The following SENP8 variants were observed in gnomAD, a reference collection of about 807,000 sequenced individuals.
SENP8 encodes the protein sentrin-specific protease 8.
SENP8 carries 10 observed loss-of-function variants against 14.4 expected under a neutral mutation model. The ratio of observed to expected loss-of-function variants is 0.69; its 90% CI spans 0.43 to 1.18. SENP8 has a LOEUF of 1.18. Ranked by LOEUF, SENP8 falls within the 50% of genes most tolerant of loss-of-function variation. SENP8 has a pLI of 0.00. For missense variants in SENP8, 202 were observed against 249.4 expected, an observed-to-expected ratio of 0.81 and a Z score of 1.28; for synonymous variants, 94 against 95.5, an observed-to-expected ratio of 0.98 and a Z score of 0.09.
intron 1 of SENP8, among the ~76,000 whole-genome samples, chr15:72,130,144 C>T (rs1425287432): frequency 2.0e-5 from 3 of 152,154 alleles, no homozygotes; most frequent in Admixed American, 6.5e-5. Flanking sequence ...GAGCTGAGAT[C>T]GCGCCATTGC....
Position 72,139,949 on chromosome 15 carries a change from T to C in SENP8, c.326T>C (p.Leu109Pro). 6.2e-7 allele frequency: 1 copy of C among 1,614,194 alleles called. No homozygotes were observed. The highest frequency in any genetic ancestry group is 8.5e-7 in the Non-Finnish European group (1 of 1,180,040). ...ACCCACTGGAGTTTATTGGTCTACC[T>C]CCAAGATAAAAATAGCTTTTTTCAT... ...GGTHWSLLVY[L>P]QDKNSFFHYD... is the part of the protein sequence containing the mutation. Residue 109 changes from leucine to proline, a missense_variant, in exon 2 of 2, where the codon CTC becomes CCC. Leu to Pro is a moderately conservative substitution (Grantham distance 98). Transcript: ENST00000340912.
Position 72,141,460 on chromosome 15 carries a change from A to G in SENP8, c.*1198A>G, listed in dbSNP as rs1296058275. 6.6e-6 allele frequency: 1 copy of G among 152,184 alleles called. No homozygotes were observed. Among genetic ancestry groups the G allele is most frequent in the Non-Finnish European group, 1.5e-5 (1 of 68,034 alleles). The allele number at this position is 152,184 out of a possible 1,614,324, so 9.4% of individuals were successfully genotyped here. On this transcript the variant is annotated 3_prime_UTR_variant, in exon 2 of 2. Coordinates refer to ENST00000340912, the MANE Select transcript of SENP8 (RefSeq NM_145204.4). Reference sequence around the variant, plus strand: ...GGTACACAAATTAATTCTATTCCTAATGAGAATTAGATTGCAAGGCCTATG... The same window carrying G: ...GGTACACAAATTAATTCTATTCCTAGTGAGAATTAGATTGCAAGGCCTATG...
chr15:72,138,359 T>TC (rs1468739087), intron 1 of SENP8, among the ~76,000 whole-genome samples: 3 of 151,164 alleles, frequency 2.0e-5, no homozygotes, highest in Non-Finnish European at 3.0e-5. Flanking sequence ...CTTTTTTTTT[T>TC]TTTTTTTTGA....
chr15:72,119,477 G>C (rs1342444223), intron 1 of SENP8, among the ~76,000 whole-genome samples: 3 of 152,138 alleles, frequency 2.0e-5, no homozygotes, highest in African/African-American at 7.2e-5. Context: ...AGCCGGGCGC[G>C]GTGGCTCACG....
chr15:72,130,947 TAGAAA>T (rs1370337321), intron 1 of SENP8, among the ~76,000 whole-genome samples: 9 of 152,136 alleles, frequency 5.9e-5, no homozygotes, highest in Non-Finnish European at 1.2e-4. Context: ...AGTGGAAACT[TAGAAA>T]AGAGCTAGTG....
intron 1 of SENP8, among the ~76,000 whole-genome samples, chr15:72,138,737 C>T (rs1411515781): frequency 1.3e-5 from 2 of 150,566 alleles, no homozygotes; most frequent in African/African-American, 2.4e-5. Context: ...CTGAGGCGGG[C>T]GGATCACAAG....
upstream of SENP8, among the ~76,000 whole-genome samples, chr15:72,116,437 T>C (rs1219287483): frequency 6.6e-6 from 1 of 152,176 alleles, no homozygotes; most frequent in Non-Finnish European, 1.5e-5. Context: ...TATTCAACAT[T>C]TTACTGCTAT....
chr15:72,138,759 G>A (rs1424778867), intron 1 of SENP8, among the ~76,000 whole-genome samples: 1 of 150,844 alleles, frequency 6.6e-6, no homozygotes, highest in Non-Finnish European at 1.5e-5. Flanking sequence ...TCAGGAATTC[G>A]AGACCAGCCT....
At chr15:72,133,590 T>C (rs940195229) in intron 1 of SENP8, among the ~76,000 whole-genome samples, 6 of 152,234 alleles carry the variant, frequency 3.9e-5, no homozygotes, top group Non-Finnish European at 7.3e-5. Flanking sequence ...TTATTCTCTC[T>C]TGTGAATTCC....
chr15:72,120,503 T>G (rs988003779), intron 1 of SENP8, among the ~76,000 whole-genome samples: 3 of 152,188 alleles, frequency 2.0e-5, no homozygotes, highest in Non-Finnish European at 4.4e-5. Context: ...GAGTTTAGAT[T>G]ATATTACTAG....
chr15:72,118,106 C>A, upstream of SENP8: 1 of 389,896 alleles, frequency 2.6e-6, no homozygotes, highest in Admixed American at 4.5e-5. Context: ...GCACGCGGCC[C>A]CGCCCCGCGC....
intron 1 of SENP8, among the ~76,000 whole-genome samples, chr15:72,128,537 T>A (rs946446985): frequency 3.9e-5 from 6 of 152,236 alleles, no homozygotes; most frequent in African/African-American, 1.2e-4. Context: ...GATTCTCATA[T>A]TTTATTTTTA....
At chr15:72,121,622 A>G (rs746499584) in intron 1 of SENP8, among the ~76,000 whole-genome samples, 1 of 151,670 alleles carries the variant, frequency 6.6e-6, no homozygotes, top group African/African-American at 2.4e-5. Context: ...GGTCCCATCT[A>G]CACGGGAGAC....
chr15:72,125,849 AGT>A (rs1054499887), intron 1 of SENP8, among the ~76,000 whole-genome samples: 5 of 151,206 alleles, frequency 3.3e-5, no homozygotes, highest in African/African-American at 1.2e-4. Flanking sequence ...TTTGAGATGG[AGT>A]CTCACTCTGT....
At position 72,139,749 on chromosome 15, in the gene SENP8, T is replaced by G. The variant is rs1303220725; in HGVS notation, c.126T>G (p.Ser42Arg). The change falls in exon 2 of 2, where the codon AGT (serine) becomes AGG (arginine). Residue 42 changes from serine (S) to arginine (R), a missense_variant. Physicochemically the swap from Ser to Arg is moderately radical, Grantham distance 110 (BLOSUM62 -1). Coordinates refer to ENST00000340912, the MANE Select transcript of SENP8 (RefSeq NM_145204.4). The part of the protein sequence containing the change: ...IGFAFEYFAN[S>R]QFHDCSDHVS... ...TTGCGTTTGAGTACTTTGCCAACAG[T>G]CAGTTTCATGACTGCTCTGATCACG... 2 of 1,614,054 alleles carry G rather than the reference T, an allele frequency of 1.2e-6. No homozygotes were observed. The highest frequency in any genetic ancestry group is 1.7e-6 in the Non-Finnish European group (2 of 1,180,046).
chr15:72,140,171 C>T lies in SENP8; in HGVS notation c.548C>T (p.Thr183Ile). 1 of 1,614,080 alleles carries T rather than the reference C, an allele frequency of 6.2e-7. No homozygotes were observed. Among genetic ancestry groups the T allele is most frequent in the Non-Finnish European group, 8.5e-7 (1 of 1,179,956 alleles). The part of the protein sequence containing the change: ...ALCQNFFRQQ[T>I]ESLLQLLTPA... ...TGTCAGAACTTCTTTAGGCAACAGA[C>T]AGAATCACTGCTGCAGCTACTCACC... The change falls in exon 2 of 2, where the codon ACA becomes ATA. Residue 183 changes from threonine (T) to isoleucine (I), a missense_variant. Coordinates refer to ENST00000340912, the MANE Select transcript of SENP8 (RefSeq NM_145204.4).
chr15:72,139,496 C>G, intron 1 of SENP8, 81 bp from the exon 2 acceptor site: 1 of 1,319,666 alleles, frequency 7.6e-7, no homozygotes, highest in South Asian at 1.4e-5. Flanking sequence ...TATTTTTTTA[C>G]CACAACCCTA....
chr15:72,120,625 A>G (rs2081159269), intron 1 of SENP8, among the ~76,000 whole-genome samples: 1 of 152,250 alleles, frequency 6.6e-6, no homozygotes, highest in South Asian at 2.1e-4. Context: ...TATATAAAAT[A>G]GAATACGTAG....
Position 72,140,208 on chromosome 15 carries a change from C to T in SENP8, c.585C>T (p.Ile195=), listed in dbSNP as rs1419128960. 3 of 1,614,132 alleles carry T rather than the reference C, an allele frequency of 1.9e-6. No individual in the cohort carries two copies. The highest frequency in any genetic ancestry group is 2.7e-5 in the African/African-American group (2 of 75,062). Residue 195 remains isoleucine (I), a synonymous_variant, in exon 2 of 2, where the codon ATC becomes ATT. Coordinates refer to ENST00000340912, the MANE Select transcript of SENP8 (RefSeq NM_145204.4). The part of the protein sequence containing the change: ...SLLQLLTPAY[I]TKKRGEWKDL... ...TGCAGCTACTCACCCCTGCATACAT[C>T]ACAAAGAAGAGGGGAGAATGGAAAG... is the stretch of plus-strand genomic sequence containing the variant.
Sources: allele counts gnomAD v4.1 joint callset (sites outside exome capture counted in the v4.1 genomes callset), GRCh38; gene constraint gnomAD v4.1.1; transcripts MANE v1.5; gene names NCBI Gene and HGNC (gene_info 2026-07-23, HGNC 2026-07-21).